SLC52A3: variants seen among roughly 807,000 people sequenced by gnomAD.
SLC52A3 encodes solute carrier family 52, riboflavin transporter, member 3.
In SLC52A3, 20 loss-of-function variants were observed where a neutral mutation model predicts 29.5. That is an observed-to-expected ratio of 0.68 (90% CI 0.48 to 0.99). SLC52A3 has a LOEUF of 0.99. Ranked by LOEUF, SLC52A3 falls within the 50% of genes least tolerant of loss-of-function variation. The probability of loss-of-function intolerance (pLI) is 0.00; values close to 1 mark genes in which losing one functional copy is unlikely to be tolerated. For missense variants in SLC52A3, 548 were observed against 612.9 expected, an observed-to-expected ratio of 0.89 and a Z score of 1.12; for synonymous variants, 301 against 271.0, an observed-to-expected ratio of 1.11 and a Z score of -1.09.
At position 775,124 on chromosome 20, in the gene SLC52A3, G is replaced by A. The variant is rs549665982; in HGVS notation, c.-238+831C>T. Among the ~76,000 whole-genome samples the A allele has an allele frequency of 2.6e-5, 4 of 152,280 alleles. No homozygotes were observed. In the South Asian group the frequency reaches 6.2e-4, roughly 24 times the overall value. On this transcript the variant is annotated intron_variant, in intron 1 of 5. Coordinates refer to the SLC52A3 transcript ENST00000217254. The stretch of plus-strand genomic sequence containing the variant: ...CTCCCATGGGGCTGACCTTGGTGGA[G>A]CAGCCTCCCCCAGGCCAGTTCCCCT...
In SLC52A3 at chr20:761,125, C is replaced by A; in HGVS notation, c.1311G>T (p.Gln437His). Residue 437 changes from glutamine to histidine, a missense_variant, in exon 5 of 5, where the codon CAG becomes CAT. By Grantham distance (24) the Gln-to-His change is conservative. Transcript: ENST00000645534. ...GCAGCGCTCCGAGCAGCGAGCCCAG[C>A]TGCACCGCCGCCCCGCACCACAAGA... ...SALLWCGAAV[Q>H]LGSLLGALLM... 1 of 1,597,298 alleles carries A rather than the reference C, an allele frequency of 6.3e-7. No individual in the cohort carries two copies. Among genetic ancestry groups the A allele is most frequent in the Non-Finnish European group, 8.5e-7 (1 of 1,173,128 alleles).
intron 2 of SLC52A3, among the ~76,000 whole-genome samples, chr20:764,546 A>ACCTCAGGGGAGAGCC (rs1986613511): frequency 2.7e-5 from 1 of 37,528 alleles, no homozygotes. Flanking sequence ...AAGGAAGAAC[A>ACCTCAGGGGAGAGCC]CTGCTCCACC....
At position 765,470 on chromosome 20, in the gene SLC52A3, C is replaced by T. The variant is rs888740621; in HGVS notation, c.305G>A (p.Gly102Asp). ...GACCAAGAAGGCGATGCTGTGGTGG[C>T]CGTCCAGCACCCAGGAGGTCATATT... ...LWNMTSWVLD[G>D]HHSIAFLVLT... The change falls in exon 2 of 5, where the codon GGC (glycine) becomes GAC (aspartate). Residue 102 changes from glycine (G) to aspartate (D), a missense_variant. This residue lies in a region of SLC52A3 where 375 missense variants were observed against 471.1 expected (regional missense o/e 0.80). Coordinates refer to ENST00000645534, the MANE Select transcript of SLC52A3 (RefSeq NM_033409.4). This position sits in a 1 kb window ranked among gnomAD's most constrained non-coding sequence, Gnocchi z 6.6. 2 of 1,602,916 alleles carry T rather than the reference C, an allele frequency of 1.2e-6. No homozygotes were observed. The highest frequency in any genetic ancestry group is 1.7e-6 in the Non-Finnish European group (2 of 1,174,840).
chr20:779,638 G>A (rs1416693443), upstream of SLC52A3, among the ~76,000 whole-genome samples: 1 of 152,090 alleles, frequency 6.6e-6, no homozygotes, highest in Non-Finnish European at 1.5e-5. Context: ...AAAAACAAGA[G>A]CGACTAGGCC....
intron 3 of SLC52A3, 70 bp from the exon 4 acceptor site, chr20:761,894 G>C (rs954950587): frequency 3.1e-6 from 5 of 1,605,536 alleles, no homozygotes; most frequent in Non-Finnish European, 4.3e-6. Flanking sequence ...CCACTGGGCG[G>C]CATGTGGATG....
intron 1 of SLC52A3, among the ~76,000 whole-genome samples, chr20:766,884 G>A (rs1986704239): frequency 6.6e-6 from 1 of 152,068 alleles, no homozygotes; most frequent in Non-Finnish European, 1.5e-5. Context: ...CAGAGAAAAA[G>A]GTACAAATAA....
chr20:763,649 C>T lies in SLC52A3; in HGVS notation c.922G>A (p.Ala308Thr). ...CCGTTGGTGAGCGCGTTGACGAAGG[C>T]CACCAGGGTATAGATGAAGGCCAGG... Reference protein sequence around the residue: ...AHLAFIYTLVAFVNALTNGML... With the variant: ...AHLAFIYTLVTFVNALTNGML... Residue 308 changes from alanine (A) to threonine (T), a missense_variant, in exon 3 of 5, where the codon GCC becomes ACC. By Grantham distance (58) the Ala-to-Thr change is moderately conservative (BLOSUM62 0). Coordinates refer to ENST00000645534, the MANE Select transcript of SLC52A3 (RefSeq NM_033409.4). 1.2e-6 allele frequency: 2 copies of T among 1,614,164 alleles called. No individual in the cohort carries two copies. The highest frequency in any genetic ancestry group is 1.7e-6 in the Non-Finnish European group (2 of 1,180,012).
chr20:769,853 T>C (rs59365589), upstream of SLC52A3, among the ~76,000 whole-genome samples: 3 of 151,892 alleles, frequency 2.0e-5, no homozygotes, highest in African/African-American at 7.3e-5. Flanking sequence ...GCCGAGATCA[T>C]GCCACTGCAC....
At chr20:762,040 G>A (rs905322848) in intron 3 of SLC52A3, among the ~76,000 whole-genome samples, 1 of 152,164 alleles carries the variant, frequency 6.6e-6, no homozygotes, top group African/African-American at 2.4e-5. Flanking sequence ...CTGGCACCCC[G>A]GCAAGAAAAA....
In SLC52A3 at chr20:765,808, G is replaced by A; in HGVS notation, c.-34C>T. Reference sequence around the variant, plus strand: ...CTGCCCTGGGCCAGAGGCTTTCTCAGATCAGCCTGCAGCGGGGCTGGCAGA... The same window carrying A: ...CTGCCCTGGGCCAGAGGCTTTCTCAAATCAGCCTGCAGCGGGGCTGGCAGA... On this transcript the variant is annotated 5_prime_UTR_variant, in exon 2 of 5. Transcript: ENST00000645534. The surrounding 1 kb of genome is among the most constrained non-coding windows in gnomAD (Gnocchi z 6.6). 1 of 1,600,770 alleles carries A rather than the reference G, an allele frequency of 6.2e-7. No homozygotes were observed. The highest frequency in any genetic ancestry group is 8.5e-7 in the Non-Finnish European group (1 of 1,173,152).
At chr20:767,658 C>T (rs1986729129) in intron 1 of SLC52A3, among the ~76,000 whole-genome samples, 1 of 152,080 alleles carries the variant, frequency 6.6e-6, no homozygotes, top group Non-Finnish European at 1.5e-5. Context: ...CCTGGCCCTG[C>T]CTCTGTATAT....
At chr20:775,596 G>C (rs529093845) in intron 1 of SLC52A3, among the ~76,000 whole-genome samples, 1 of 152,242 alleles carries the variant, frequency 6.6e-6, no homozygotes, top group African/African-American at 2.4e-5. Context: ...CAGCCTTTTG[G>C]TCTGGAGGCA....
chr20:778,650 T>A (rs1377802324), upstream of SLC52A3, among the ~76,000 whole-genome samples: 1 of 152,104 alleles, frequency 6.6e-6, no homozygotes, highest in Non-Finnish European at 1.5e-5. Flanking sequence ...TGCAGGACTC[T>A]AAATTTATGA....
At chr20:777,005 GC>G (rs1987060440), upstream of SLC52A3, among the ~76,000 whole-genome samples, 1 of 152,112 alleles carries the variant, frequency 6.6e-6, no homozygotes, top group Non-Finnish European at 1.5e-5. Context: ...GGAGGCCGAG[GC>G]GGGTGGATTA....
Position 763,625 on chromosome 20 carries a change from C to T in SLC52A3, c.946G>A (p.Gly316Ser), listed in dbSNP as rs372400886. The T allele has an allele frequency of 3.2e-4, 520 of 1,614,192 alleles. No individual in the cohort carries two copies. Among genetic ancestry groups the T allele is most frequent in the Non-Finnish European group, 4.3e-4 (508 of 1,180,032 alleles). ...LVAFVNALTNGMLPSVQTYSC... is the reference protein window; with the variant it reads ...LVAFVNALTNSMLPSVQTYSC... ...TAGGTCTGCACAGAGGGCAGCATGC[C>T]GTTGGTGAGCGCGTTGACGAAGGCC... is the stretch of plus-strand genomic sequence containing the variant. The change falls in exon 3 of 5, where the codon GGC (glycine) becomes AGC (serine). Residue 316 changes from glycine (G) to serine (S), a missense_variant. Transcript: ENST00000645534.
chr20:778,254 ATCT>A (rs1353892406), upstream of SLC52A3, among the ~76,000 whole-genome samples: 1 of 152,102 alleles, frequency 6.6e-6, no homozygotes, highest in African/African-American at 2.4e-5. Flanking sequence ...ACCTCAGGTG[ATCT>A]TCTTGCCTCT....
intron 1 of SLC52A3, among the ~76,000 whole-genome samples, chr20:774,518 G>T (rs1986952720): frequency 6.6e-6 from 1 of 152,216 alleles, no homozygotes; most frequent in South Asian, 2.1e-4. Flanking sequence ...TGAGAGAGAA[G>T]AGACTGAGAC....
At chr20:778,715 G>A (rs1045222724), upstream of SLC52A3, among the ~76,000 whole-genome samples, 18 of 151,394 alleles carry the variant, frequency 1.2e-4, no homozygotes, top group Non-Finnish European at 2.7e-4. Context: ...TTGCAGGATG[G>A]CCACTTTCTT....
intron 1 of SLC52A3, among the ~76,000 whole-genome samples, chr20:766,527 C>G (rs1019127396): frequency 6.6e-5 from 10 of 152,184 alleles, no homozygotes; most frequent in African/African-American, 2.4e-4. Flanking sequence ...CCTGCCTTAA[C>G]TGATGATATT....
Sources: gnomAD v4.1 joint callset for allele counts (sites outside exome capture counted in the v4.1 genomes callset) on GRCh38, gnomAD v4.1.1 for gene constraint, gnomAD v4.1.1 regional missense constraint, Gnocchi (gnomAD v3.1) non-coding constraint, MANE v1.5 for transcripts, NCBI Gene and HGNC (gene_info 2026-07-23, HGNC 2026-07-21) for gene names.